Variants in PCDHA9 observed in about 807,000 individuals in gnomAD.
The protein encoded by PCDHA9 is protocadherin alpha 9.
PCDHA9 carries 62 observed loss-of-function variants against 62.0 expected under a neutral mutation model. The ratio of observed to expected loss-of-function variants is 1.00; its 90% CI spans 0.81 to 1.23. The LOEUF (loss-of-function observed/expected upper bound fraction) is 1.23. Ranked by LOEUF, PCDHA9 falls within the 50% of genes most tolerant of loss-of-function variation. The probability of loss-of-function intolerance (pLI) is 0.00; values close to 1 mark genes in which losing one functional copy is unlikely to be tolerated. For missense variants in PCDHA9, 1,205 were observed against 1,249.8 expected (o/e 0.96, Z 0.54); for synonymous variants, 557 against 567.6 (o/e 0.98, Z 0.27).
intron 1 of PCDHA9, chr5:140,867,665 T>C (rs2050092984): frequency 6.6e-6 from 1 of 152,154 alleles, no homozygotes; most frequent in Non-Finnish European, 1.5e-5. Context: ...CACTTTCTAC[T>C]CTAAAATTTT....
rs558490430 is a variant in PCDHA9, at chr5:140,909,702, G to A, written c.2394+58813G>A. ...AGCCAATGTGGGGGTTCTGCTAGCT[G>A]CTAAGTATACCTATGCCAATTATGC... is the stretch of plus-strand genomic sequence containing the variant. On this transcript the variant is annotated intron_variant, in intron 1 of 3. Transcript: ENST00000532602. Among the ~76,000 whole-genome samples the A allele has an allele frequency of 3.3e-5, 5 of 152,302 alleles. No individual in the cohort carries two copies. In the East Asian group the frequency reaches 9.6e-4, roughly 29 times the overall value.
chr5:140,871,146 T>G (rs372974792), intron 1 of PCDHA9: 2 of 1,613,386 alleles, frequency 1.2e-6, no homozygotes, highest in African/African-American at 2.7e-5. Flanking sequence ...CTTCCCGGAC[T>G]TTGGCGGGCG....
intron 3 of PCDHA9, among the ~76,000 whole-genome samples, chr5:140,992,857 C>G (rs1234991129): frequency 6.6e-6 from 1 of 152,148 alleles, no homozygotes; most frequent in African/African-American, 2.4e-5. Context: ...ACCAGTTTCA[C>G]TCTAGCTCCC....
At chr5:140,941,244 T>TTTCG (rs2092953100) in intron 1 of PCDHA9, among the ~76,000 whole-genome samples, 1 of 141,602 alleles carries the variant, frequency 7.1e-6, no homozygotes, top group South Asian at 2.3e-4. Context: ...TCTTTCTTTC[T>TTTCG]TTCTTTCTTT....
chr5:140,851,794 T>C (rs2042159593), intron 1 of PCDHA9: 2 of 954,372 alleles, frequency 2.1e-6, no homozygotes. Flanking sequence ...ATTCACTTGT[T>C]CTGTCAGTAA....
chr5:141,003,520 C>T (rs1171208921), intron 3 of PCDHA9, among the ~76,000 whole-genome samples: 2 of 152,126 alleles, frequency 1.3e-5, no homozygotes, highest in Admixed American at 6.5e-5. Flanking sequence ...ACCATGTTCC[C>T]TAGGCTGGTC....
At chr5:140,900,557 G>A (rs1006880033) in intron 1 of PCDHA9, among the ~76,000 whole-genome samples, 1 of 152,160 alleles carries the variant, frequency 6.6e-6, no homozygotes, top group African/African-American at 2.4e-5. Context: ...GATTACAGGC[G>A]TGAGCCACGG....
intron 1 of PCDHA9, chr5:140,875,556 C>G (rs781896642): frequency 6.2e-7 from 1 of 1,614,128 alleles, no homozygotes; most frequent in East Asian, 2.2e-5. Flanking sequence ...AGGTGGGGAG[C>G]GGCCAGCTCC....
intron 1 of PCDHA9, among the ~76,000 whole-genome samples, chr5:140,941,202 CCTTTCTTTCTTCCTTTCTTT>C (rs1442425625): frequency 7.3e-5 from 9 of 122,742 alleles, no homozygotes; most frequent in Non-Finnish European, 1.3e-4. Context: ...TTTCTTTCTT[CCTTTCTTTCTTCCTTTCTTT>C]CTTTCTTTCT....
intron 1 of PCDHA9, chr5:140,853,127 C>A: frequency 1.7e-6 from 1 of 580,840 alleles, no homozygotes; most frequent in Non-Finnish European, 2.2e-6. Context: ...GATCCTCCCG[C>A]CTCAGCCTCC....
chr5:141,002,679 G>A (rs1554258764), intron 3 of PCDHA9, among the ~76,000 whole-genome samples: 1 of 152,134 alleles, frequency 6.6e-6, no homozygotes, highest in Non-Finnish European at 1.5e-5. Context: ...AAACCTATAC[G>A]ACGTGCAGAT....
At chr5:140,997,673 TG>T (rs1554255971) in intron 3 of PCDHA9, among the ~76,000 whole-genome samples, 41 of 149,136 alleles carry the variant, frequency 2.7e-4, no homozygotes, top group African/African-American at 9.9e-4. Context: ...ACAGCTTGTG[TG>T]TGTGTGTGTG....
At chr5:140,856,691 G>A (rs2044151456) in intron 1 of PCDHA9, 1 of 1,596,420 alleles carries the variant, frequency 6.3e-7, no homozygotes, top group African/African-American at 1.3e-5. Context: ...GACAGCAACT[G>A]ATGGAGGCAA....
At position 140,946,631 on chromosome 5, in the gene PCDHA9, T is replaced by TATATATATATACAC. The variant is rs57893927; in HGVS notation, c.2395-32317_2395-32316insTATATATATACACA. Among the ~76,000 whole-genome samples, 93 of 131,838 alleles carry TATATATATATACAC rather than the reference T, an allele frequency of 7.1e-4. 3 individuals carry two copies. Among genetic ancestry groups the TATATATATATACAC allele is most frequent in the East Asian group, 2.3e-3 (11 of 4,866 alleles). 86.5% of individuals were successfully genotyped at this position (131,838 alleles called of 152,430 possible). A position where few individuals can be genotyped will look rare whatever the true frequency, so the allele number is the denominator to read the frequency against. ...TGTGAAATATATATATATATATATA[T>TATATATATATACAC]ACAATGGAATACTCATCAGCCATTA... On this transcript the variant is annotated intron_variant, in intron 1 of 3. Transcript: ENST00000532602.
At chr5:140,959,412 A>G (rs2153722176) in intron 1 of PCDHA9, among the ~76,000 whole-genome samples, 1 of 152,256 alleles carries the variant, frequency 6.6e-6, no homozygotes, top group African/African-American at 2.4e-5. Context: ...GTGTTGATTG[A>G]TCTGAGAATT....
chr5:140,943,617 T>A (rs2093532711), intron 1 of PCDHA9, among the ~76,000 whole-genome samples: 1 of 152,208 alleles, frequency 6.6e-6, no homozygotes, highest in Non-Finnish European at 1.5e-5. Context: ...TTGATTCATC[T>A]GCATAAGGAA....
At chr5:141,000,768 A>G (rs1434125702) in intron 3 of PCDHA9, among the ~76,000 whole-genome samples, 43 of 151,864 alleles carry the variant, frequency 2.8e-4, no homozygotes, top group African/African-American at 4.8e-5. Context: ...TTAGCCAGGC[A>G]TAGTGGCGCA....
chr5:140,883,453 C>T (rs138388360), intron 1 of PCDHA9: 46 of 1,614,168 alleles, frequency 2.8e-5, no homozygotes, highest in Non-Finnish European at 3.9e-5. Context: ...ATGTCCCCTT[C>T]AAGCTGGTGT....
Position 140,849,200 on chromosome 5 carries a change from C to G in PCDHA9, c.705C>G (p.Asn235Lys), listed in dbSNP as rs2150432715. 2 of 1,040,964 alleles carry G rather than the reference C, an allele frequency of 1.9e-6. No individual in the cohort carries two copies. The highest frequency in any genetic ancestry group is 2.7e-6 in the Non-Finnish European group (2 of 741,298). 64.5% of individuals were successfully genotyped at this position (1,040,964 alleles called of 1,614,324 possible). A position where few individuals can be genotyped will look rare whatever the true frequency, so the allele number is the denominator to read the frequency against. The change falls in exon 1 of 4, where the codon AAC becomes AAG. Residue 235 changes from asparagine (N) to lysine (K), a missense_variant. Coordinates refer to ENST00000532602, the MANE Select transcript of PCDHA9 (RefSeq NM_031857.2). ...TVQLLITVLD[N>K]NDNAPVFDRT... is the part of the protein sequence containing the mutation. ...AATTACTCATCACGGTACTGGACAA[C>G]AATGACAATGCCCCAGTGTTCGACA...
Sources: allele counts gnomAD v4.1 joint callset (sites outside exome capture counted in the v4.1 genomes callset), GRCh38; gene constraint gnomAD v4.1.1; transcripts MANE v1.5; gene names NCBI Gene and HGNC (gene_info 2026-07-23, HGNC 2026-07-21).